Variants in RORA observed in about 807,000 individuals in gnomAD.
The protein encoded by RORA is RAR related orphan receptor A.
Under a neutral mutation model 69.5 loss-of-function variants are expected in RORA, and 7 were observed. The ratio of observed to expected loss-of-function variants is 0.10; its 90% confidence interval spans 0.06 to 0.19. RORA has a LOEUF of 0.19. RORA is among the 10% of genes least tolerant of loss of function. The probability of loss-of-function intolerance (pLI) is 1.00; values close to 1 mark genes in which losing one functional copy is unlikely to be tolerated. For synonymous variants in RORA, 261 were observed against 240.8 expected (o/e 1.08, Z -0.78); for missense variants, 457 against 663.0 (o/e 0.69, Z 3.41).
intron 2 of RORA, among the ~76,000 whole-genome samples, chr15:60,550,245 G>A (rs1387253727): frequency 1.3e-5 from 2 of 152,316 alleles, no homozygotes; most frequent in East Asian, 1.9e-4. Flanking sequence ...AACCAAGATC[G>A]TGCCATTGCA....
intron 1 of RORA, among the ~76,000 whole-genome samples, chr15:60,708,008 T>C (rs1197147710): frequency 1.3e-5 from 2 of 152,160 alleles, no homozygotes; most frequent in African/African-American, 4.8e-5. Flanking sequence ...TTGCAGGCCT[T>C]TTTTGTGGAT....
chr15:60,791,561 T>TCA (rs1358931872), intron 1 of RORA, among the ~76,000 whole-genome samples: 1 of 151,984 alleles, frequency 6.6e-6, no homozygotes. Flanking sequence ...GAGAAATAAG[T>TCA]CAGAAAAGGA....
At chr15:61,090,510 G>A (rs983812812) in intron 1 of RORA, among the ~76,000 whole-genome samples, 3 of 152,208 alleles carry the variant, frequency 2.0e-5, no homozygotes, top group Admixed American at 6.5e-5. Context: ...TACTCATTGT[G>A]TAATTTGGGA....
At chr15:61,125,487 T>A in intron 1 of RORA, among the ~76,000 whole-genome samples, 1 of 152,238 alleles carries the variant, frequency 6.6e-6, no homozygotes, top group East Asian at 1.9e-4. Flanking sequence ...CCAACAAATT[T>A]CGTGGAATTC....
At position 60,492,717 on chromosome 15, in the gene RORA, T is replaced by C. The variant is rs2065065302; in HGVS notation, c.*4738A>G. 6.6e-6 allele frequency: 1 copy of C among 152,162 alleles called. No homozygotes were observed. The allele number at this position is 152,162 out of a possible 1,614,324, so 9.4% of individuals were successfully genotyped here. A position where few individuals can be genotyped will look rare whatever the true frequency, so the allele number is the denominator to read the frequency against. On this transcript the variant is annotated 3_prime_UTR_variant, in exon 11 of 11. Coordinates refer to ENST00000335670, the MANE Select transcript of RORA (RefSeq NM_134261.3). ...GCAAGGACTATACTTTGAATGATGCTCTTTGCTGGTACATTATTAATTTAT... is the reference window on the plus strand; with the variant it reads ...GCAAGGACTATACTTTGAATGATGCCCTTTGCTGGTACATTATTAATTTAT...
At chr15:60,661,627 A>G (rs1384193015) in intron 2 of RORA, among the ~76,000 whole-genome samples, 2 of 152,178 alleles carry the variant, frequency 1.3e-5, no homozygotes, top group Non-Finnish European at 2.9e-5. Flanking sequence ...AATAATCTCA[A>G]TTAACTTCAC....
intron 1 of RORA, among the ~76,000 whole-genome samples, chr15:60,801,155 T>C (rs976166613): frequency 3.3e-5 from 5 of 152,194 alleles, no homozygotes; most frequent in African/African-American, 9.7e-5. Context: ...GCAGACCCTA[T>C]TGAAGCATTT....
chr15:60,895,653 ACT>A (rs556565816), intron 1 of RORA, among the ~76,000 whole-genome samples: 16 of 152,190 alleles, frequency 1.1e-4, no homozygotes, highest in Non-Finnish European at 1.9e-4. Flanking sequence ...AATAAAATAA[ACT>A]CTGTCATTCA....
chr15:61,123,227 C>T (rs1453892618), intron 1 of RORA, among the ~76,000 whole-genome samples: 1 of 151,982 alleles, frequency 6.6e-6, no homozygotes, highest in African/African-American at 2.4e-5. Flanking sequence ...AGGGGGTGCA[C>T]CCTACATAAG....
At chr15:60,772,366 C>G (rs973197008) in intron 1 of RORA, among the ~76,000 whole-genome samples, 1 of 151,678 alleles carries the variant, frequency 6.6e-6, no homozygotes, top group Admixed American at 6.6e-5. Context: ...ACCTAGGGTA[C>G]TAAGTCTTGG....
At chr15:60,761,505 TG>T (rs1040654442) in intron 1 of RORA, among the ~76,000 whole-genome samples, 13 of 152,320 alleles carry the variant, frequency 8.5e-5, no homozygotes, top group African/African-American at 2.2e-4. Flanking sequence ...TTTTATGATA[TG>T]TTTTTTTAAA....
chr15:60,768,687 T>A (rs550718670), intron 1 of RORA, among the ~76,000 whole-genome samples: 1 of 152,018 alleles, frequency 6.6e-6, no homozygotes, highest in African/African-American at 2.4e-5. Context: ...GAATCATAAG[T>A]GGTAAAATTA....
rs927761224 is a variant in RORA, at chr15:60,905,506, G to T, written c.167-226820C>A. Reference sequence around the variant, plus strand: ...GGTATTCAATGGTTAATTAAGACACGAGTGTCATTGCTGAGCTCTTTTGTG... The same window carrying T: ...GGTATTCAATGGTTAATTAAGACACTAGTGTCATTGCTGAGCTCTTTTGTG... On this transcript the variant is annotated intron_variant, in intron 1 of 10. Coordinates refer to ENST00000335670, the MANE Select transcript of RORA (RefSeq NM_134261.3). The surrounding 1 kb of genome is among the most constrained non-coding windows in gnomAD (Gnocchi z 4.8). Among the ~76,000 whole-genome samples, 5 of 152,108 alleles carry T rather than the reference G, an allele frequency of 3.3e-5. No individual in the cohort carries two copies. The highest frequency in any genetic ancestry group is 6.5e-5 in the Admixed American group (1 of 15,276).
chr15:60,743,629 G>A (rs1321448037), intron 1 of RORA, among the ~76,000 whole-genome samples: 3 of 152,172 alleles, frequency 2.0e-5, no homozygotes, highest in South Asian at 2.1e-4. Flanking sequence ...GACTGAGGTT[G>A]ACAAAAGAAG....
rs1215895340 is a variant in RORA, at chr15:60,494,153, T to A, written c.*3302A>T. On this transcript the variant is annotated 3_prime_UTR_variant, in exon 11 of 11. Transcript: ENST00000335670. ...AAGACTTTAAAAAAAAATCCATAGC[T>A]TTAATACACGTTAAGATGCTGAACA... 6.7e-6 allele frequency: 1 copy of A among 150,106 alleles called. No individual in the cohort carries two copies. The highest frequency in any genetic ancestry group is 1.5e-5 in the Non-Finnish European group (1 of 67,648). 9.3% of individuals were successfully genotyped at this position (150,106 alleles called of 1,614,324 possible).
intron 1 of RORA, among the ~76,000 whole-genome samples, chr15:60,862,620 G>T (rs2073445381): frequency 6.6e-6 from 1 of 152,222 alleles, no homozygotes; most frequent in South Asian, 2.1e-4. Flanking sequence ...GAAATGGAGA[G>T]TGGGAGGTGT....
At chr15:60,635,286 T>A (rs1003002547) in intron 2 of RORA, among the ~76,000 whole-genome samples, 1 of 152,238 alleles carries the variant, frequency 6.6e-6, no homozygotes, top group Non-Finnish European at 1.5e-5. Flanking sequence ...AGGAAGAATG[T>A]TAAACCTTAG....
At chr15:60,546,302 CT>C (rs1281737488) in intron 2 of RORA, 6 of 152,156 alleles carry the variant, frequency 3.9e-5, no homozygotes, top group Non-Finnish European at 4.4e-5. Context: ...TGGATGGATG[CT>C]TGTCTATTGA....
At chr15:60,916,426 T>C (rs1234859426) in intron 1 of RORA, among the ~76,000 whole-genome samples, 2 of 152,292 alleles carry the variant, frequency 1.3e-5, no homozygotes, top group East Asian at 3.9e-4. Flanking sequence ...TTAGCTGGTA[T>C]TTCTGAGCTG....
Sources: gnomAD v4.1 joint callset for allele counts (sites outside exome capture counted in the v4.1 genomes callset) on GRCh38, gnomAD v4.1.1 for gene constraint, Gnocchi (gnomAD v3.1) non-coding constraint, MANE v1.5 for transcripts, NCBI Gene and HGNC (gene_info 2026-07-23, HGNC 2026-07-21) for gene names.